Variants in CDK16 observed in about 807,000 individuals in gnomAD.
CDK16 encodes cyclin dependent kinase 16, also known as cyclin-dependent kinase 16.
In CDK16, 2 loss-of-function variants were observed where a neutral mutation model predicts 41.6. The observed-to-expected ratio is 0.05, with a 90% confidence interval of 0.02 to 0.15. The LOEUF is 0.15. CDK16 is among the 10% of genes least tolerant of loss of function. The pLI is 1.00. For synonymous variants in CDK16, 169 were observed against 169.7 expected (o/e 1.00, Z 0.03); for missense variants, 228 against 428.9 (o/e 0.53, Z 4.14).
intron 3 of CDK16, 37 bp from the exon 4 acceptor site, chrX:47,224,581 G>A (rs764369025): frequency 1.7e-6 from 2 of 1,210,581 alleles, no homozygotes; most frequent in East Asian, 5.9e-5. Context: ...GGGAGGTGGA[G>A]CTCATGATCC....
chrX:47,228,773 CAGACCGAGGCCCCAGCAGGCA>C lies in CDK16; in HGVS notation c.*6_*26del. 8.3e-7 allele frequency: 1 copy of C among 1,209,251 alleles called. No individual in the cohort carries two copies. Among genetic ancestry groups the C allele is most frequent in the Non-Finnish European group, 1.1e-6 (1 of 893,908 alleles). On this transcript the variant is annotated 3_prime_UTR_variant, in exon 16 of 16. Transcript: ENST00000357227. Reference sequence around the variant, plus strand: ...GTGGTGGACACCGAGTTCTAAGCCACAGACCGAGGCCCCAGCAGGCAGCGGCTGGAGGGATGCCACACCCCT... The same window carrying C: ...GTGGTGGACACCGAGTTCTAAGCCACGCGGCTGGAGGGATGCCACACCCCT...
At chrX:47,223,051 A>AG in intron 1 of CDK16, 1 of 1,142,864 alleles carries the variant, frequency 8.7e-7, no homozygotes, top group East Asian at 3.3e-5. Context: ...CTGTGGCCAC[A>AG]GGGAATAGTC....
In CDK16 at chrX:47,224,621, A is replaced by G; in HGVS notation, c.340A>G (p.Ile114Val). The change falls in exon 4 of 16, where the codon ATC (isoleucine) becomes GTC (valine). Residue 114 changes from isoleucine (I) to valine (V), a missense_variant. Around this residue, in one of 3 missense-constraint regions of CDK16, gnomAD observed 66 missense variants for 197.2 expected, o/e 0.33. Transcript: ENST00000357227. ...TCTCTCTTGCCTTACCTGCTAGGAC[A>G]TCAACAAGCGCCTATCACTACCAGC... ...HPPRKISTED[I>V]NKRLSLPADI... 1 of 1,211,561 alleles carries G rather than the reference A, an allele frequency of 8.3e-7. No individual in the cohort carries two copies. Among genetic ancestry groups the G allele is most frequent in the Non-Finnish European group, 1.1e-6 (1 of 895,445 alleles).
In CDK16 at chrX:47,223,734, A is replaced by G; in HGVS notation, c.177A>G (p.Ala59=). ...TRAAPGELRS[A]RGPLSSAPEI... ...CTGCTCCTGGGGAACTTCGTTCTGCACGGGGCCCACTCAGCTCTGCACCAG... is the reference window on the plus strand; with the variant it reads ...CTGCTCCTGGGGAACTTCGTTCTGCGCGGGGCCCACTCAGCTCTGCACCAG... The change falls in exon 2 of 16, where the codon GCA becomes GCG. Residue 59 remains alanine, a synonymous_variant. Transcript: ENST00000357227. The G allele has an allele frequency of 8.3e-7, 1 of 1,208,106 alleles. No individual in the cohort carries two copies. Among genetic ancestry groups the G allele is most frequent in the Non-Finnish European group, 1.1e-6 (1 of 893,696 alleles).
rs979424044 is a variant in CDK16, at chrX:47,218,693, T to A, written c.-419T>A. ...AGTCCCCTCCTTTCCACTTCACCCT[T>A]CCGAGCGCCTGCGTGCGCATGCGCG... On this transcript the variant is annotated 5_prime_UTR_variant, in exon 1 of 16. Transcript: ENST00000357227. 9.2e-5 allele frequency: 107 copies of A among 1,163,766 alleles called. 1 individual carries two copies. The highest frequency in any genetic ancestry group is 1.2e-4 in the Non-Finnish European group (104 of 871,957).
intron 1 of CDK16, among the ~76,000 whole-genome samples, chrX:47,220,102 A>G (rs1937274158): frequency 9.1e-6 from 1 of 110,287 alleles, no homozygotes. Flanking sequence ...ACTAGGAAGG[A>G]GCAGGGTAAT....
intron 13 of CDK16, 67 bp downstream of exon 13, chrX:47,227,290 C>CG (rs1556799388): frequency 4.5e-6 from 5 of 1,119,045 alleles, no homozygotes; most frequent in East Asian, 3.0e-5. Context: ...GGACCCCCCC[C>CG]CTCAAACCAG....
chrX:47,226,668 T>G lies in CDK16; in HGVS notation c.1002T>G (p.Leu334=), dbSNP rs752351545. ...GGTACCGGCCCCCTGACATCCTGCT[T>G]GGGTCCACGGACTACTCCACTCAGA... ...TLWYRPPDIL[L]GSTDYSTQID... Residue 334 remains leucine, a synonymous_variant, in exon 10 of 16, where the codon CTT becomes CTG. Coordinates refer to ENST00000357227, the MANE Select transcript of CDK16 (RefSeq NM_006201.5). 1 of 1,210,315 alleles carries G rather than the reference T, an allele frequency of 8.3e-7. No individual in the cohort carries two copies. Among genetic ancestry groups the G allele is most frequent in the Non-Finnish European group, 1.1e-6 (1 of 894,888 alleles).
In CDK16 at chrX:47,228,870, C is replaced by T. The variant is rs1415825066; in HGVS notation, c.*102C>T. 1.1e-6 allele frequency: 1 copy of T among 887,599 alleles called. No individual in the cohort carries two copies. The highest frequency in any genetic ancestry group is 1.6e-6 in the Non-Finnish European group (1 of 622,125). 73.1% of individuals were successfully genotyped at this position (887,599 alleles called of 1,213,427 possible). The stretch of plus-strand genomic sequence containing the variant: ...TCCCTGCTTACTCTCTGCCTACCTG[C>T]CTGAGCCATGTTCACCTGCCCACTT... On this transcript the variant is annotated 3_prime_UTR_variant, in exon 16 of 16. Transcript: ENST00000357227.
Position 47,229,599 on chromosome X carries a change from C to T in CDK16, c.*831C>T. The T allele has an allele frequency of 4.5e-6, 1 of 224,263 alleles. No homozygotes were observed. The allele number at this position is 224,263 out of a possible 1,213,427, so 18.5% of individuals were successfully genotyped here. On this transcript the variant is annotated 3_prime_UTR_variant, in exon 16 of 16. Transcript: ENST00000357227. ...GCCCCACTCTTTCTCTCCTGCAGTC[C>T]CGTAGCTGGGGCCTCCTTCCTTCTC...
rs1937547426 is a variant in CDK16 at position 47,226,413 on chromosome X, C to T, written c.916+11C>T. 9 of 1,205,107 alleles carry T rather than the reference C, an allele frequency of 7.5e-6. No individual in the cohort carries two copies. In the South Asian group the frequency reaches 1.4e-4, roughly 19 times the overall value. On this transcript the variant is annotated intron_variant, in intron 9 of 15. Transcript: ENST00000357227. Reference sequence around the variant, plus strand: ...AGCTGGCTGACTTTGGTACCACTGGCCTCCCCTTTCTTATTGGCTCCCCAG... The same window carrying T: ...AGCTGGCTGACTTTGGTACCACTGGTCTCCCCTTTCTTATTGGCTCCCCAG...
chrX:47,218,601 C>G (rs900133635), upstream of CDK16: 267 of 1,157,791 alleles, frequency 2.3e-4, no homozygotes, highest in Non-Finnish European at 4.4e-5. Context: ...GCATCCTCCT[C>G]TGGGCTCGCG....
Position 47,229,101 on chromosome X carries a change from T to G in CDK16, c.*333T>G. ...CCATCATACCAGCCCCCAGGACCAC[T>G]ACCCCACGGCCAGCCAGGGGTCCAG... On this transcript the variant is annotated 3_prime_UTR_variant, in exon 16 of 16. Coordinates refer to ENST00000357227, the MANE Select transcript of CDK16 (RefSeq NM_006201.5). 2.8e-6 allele frequency: 1 copy of G among 352,787 alleles called. No individual in the cohort carries two copies. The highest frequency in any genetic ancestry group is 2.6e-5 in the African/African-American group (1 of 38,361). The allele number at this position is 352,787 out of a possible 1,213,427, so 29.1% of individuals were successfully genotyped here.
intron 8 of CDK16, 100 bp from the exon 9 acceptor site, chrX:47,226,179 C>T: frequency 8.7e-7 from 1 of 1,150,789 alleles, no homozygotes; most frequent in Non-Finnish European, 1.2e-6. Flanking sequence ...TGTGACAAGG[C>T]TCTGGGCCTA....
chrX:47,228,546 CTA>C lies in CDK16; in HGVS notation c.1376-19_1376-18del. The stretch of plus-strand genomic sequence containing the variant: ...TGACCTCATGGGTCATCCCCCACTT[CTA>C]TGTCTCCCCCATCTGTAGCTACTTC... On this transcript the variant is annotated intron_variant, in intron 14 of 15. Coordinates refer to ENST00000357227, the MANE Select transcript of CDK16 (RefSeq NM_006201.5). 8.4e-7 allele frequency: 1 copy of C among 1,192,009 alleles called. No individual in the cohort carries two copies. The highest frequency in any genetic ancestry group is 1.7e-5 in the African/African-American group (1 of 57,424).
In CDK16 at chrX:47,223,151, C is replaced by T. The variant is rs985283899; in HGVS notation, c.-6-401C>T. The stretch of plus-strand genomic sequence containing the variant: ...GTCACCCATCCTTCAATTCTGGGCA[C>T]ACGCCCTGGCCGACCCATGGCTGGG... On this transcript the variant is annotated intron_variant, in intron 1 of 15. Coordinates refer to ENST00000357227, the MANE Select transcript of CDK16 (RefSeq NM_006201.5). 1.7e-6 allele frequency: 2 copies of T among 1,155,437 alleles called. No individual in the cohort carries two copies. The highest frequency in any genetic ancestry group is 3.6e-5 in the African/African-American group (2 of 55,777).
At position 47,224,622 on chromosome X, in the gene CDK16, T is replaced by C. The variant is rs1937501991; in HGVS notation, c.341T>C (p.Ile114Thr). Residue 114 changes from isoleucine (I) to threonine (T), a missense_variant, in exon 4 of 16, where the codon ATC becomes ACC. By Grantham distance (89) the Ile-to-Thr change is moderately conservative. Around this residue, in one of 3 missense-constraint regions of CDK16, gnomAD observed 66 missense variants for 197.2 expected, o/e 0.33. Coordinates refer to ENST00000357227, the MANE Select transcript of CDK16 (RefSeq NM_006201.5). ...CTCTCTTGCCTTACCTGCTAGGACA[T>C]CAACAAGCGCCTATCACTACCAGCT... is the stretch of plus-strand genomic sequence containing the variant. Reference protein sequence around the residue: ...HPPRKISTEDINKRLSLPADI... With the variant: ...HPPRKISTEDTNKRLSLPADI... The C allele has an allele frequency of 8.3e-7, 1 of 1,209,633 alleles. No homozygotes were observed. Among genetic ancestry groups the C allele is most frequent in the Non-Finnish European group, 1.1e-6 (1 of 895,111 alleles).
In CDK16 at chrX:47,223,217, C is replaced by G. The variant is rs727503843; in HGVS notation, c.-6-335C>G. ...GTACCTGAGAAGATCTGCAATGGAG[C>G]CTTCTGCTCCTGCAGTGGGGCTTTT... On this transcript the variant is annotated intron_variant, in intron 1 of 15. Transcript: ENST00000357227. The G allele has an allele frequency of 9.8e-4, 1,131 of 1,154,815 alleles. 10 individuals are homozygous for G. The African/African-American group carries it at 0.018, about 19-fold the overall frequency.
At chrX:47,221,266 G>A (rs1937326298) in intron 1 of CDK16, among the ~76,000 whole-genome samples, 1 of 111,036 alleles carries the variant, frequency 9.0e-6, no homozygotes, top group Non-Finnish European at 1.9e-5. Flanking sequence ...GCCTTTTTTG[G>A]GGTAAGGTTT....
Sources: gnomAD v4.1 joint callset for allele counts (sites outside exome capture counted in the v4.1 genomes callset) on GRCh38, gnomAD v4.1.1 for gene constraint, gnomAD v4.1.1 regional missense constraint, MANE v1.5 for transcripts, NCBI Gene and HGNC (gene_info 2026-07-23, HGNC 2026-07-21) for gene names.